Variants in CELSR1 observed in about 807,000 individuals in gnomAD.
CELSR1 encodes the protein adhesion G protein-coupled receptor C1.
CELSR1 carries 110 observed loss-of-function variants against 249.1 expected under a neutral mutation model. The ratio of observed to expected loss-of-function variants is 0.44; its 90% CI spans 0.38 to 0.52. The LOEUF (loss-of-function observed/expected upper bound fraction) is 0.52, where lower values mean the gene tolerates loss of function less well. CELSR1 is among the 20% of genes least tolerant of loss of function. CELSR1 has a pLI of 0.00. For synonymous variants in CELSR1, 2,113 were observed against 1,900.0 expected, an observed-to-expected ratio of 1.11 and a Z score of -2.92; for missense variants, 4,109 against 4,296.4, an observed-to-expected ratio of 0.96 and a Z score of 1.22.
At position 46,380,725 on chromosome 22, in the gene CELSR1, G is replaced by T. The variant is rs908891761; in HGVS notation, c.7256+63C>A. On this transcript the variant is annotated intron_variant, in intron 22 of 34. Coordinates refer to ENST00000674500, the MANE Select transcript of CELSR1 (RefSeq NM_001378328.1). The surrounding 1 kb of genome is among the most constrained non-coding windows in gnomAD (Gnocchi z 5.1). ...TGGGGCGCTCTGCCACTGAGCCCCCGACCCTGCGGGGGCACTCTGCCTTGG... is the reference window on the plus strand; with the variant it reads ...TGGGGCGCTCTGCCACTGAGCCCCCTACCCTGCGGGGGCACTCTGCCTTGG... 2.5e-6 allele frequency: 4 copies of T among 1,574,276 alleles called. No individual in the cohort carries two copies. Among genetic ancestry groups the T allele is most frequent in the South Asian group, 1.1e-5 (1 of 88,494 alleles).
Position 46,526,592 on chromosome 22 carries a change from G to A in CELSR1, c.3544+7035C>T, listed in dbSNP as rs543545228. ...ATCTCTGTCCCCAGGCTCTCCAACCGCCAGACGGCATCCATCACGGATGAC... is the reference window on the plus strand; with the variant it reads ...ATCTCTGTCCCCAGGCTCTCCAACCACCAGACGGCATCCATCACGGATGAC... On this transcript the variant is annotated intron_variant, in intron 1 of 34. Coordinates refer to ENST00000674500, the MANE Select transcript of CELSR1 (RefSeq NM_001378328.1). The surrounding 1 kb of genome is among the most constrained non-coding windows in gnomAD (Gnocchi z 4.7). 2.0e-5 allele frequency among the ~76,000 whole-genome samples: 3 copies of A among 152,274 alleles called. No homozygotes were observed. The highest frequency in any genetic ancestry group is 2.1e-4 in the South Asian group (1 of 4,820).
intron 1 of CELSR1, among the ~76,000 whole-genome samples, chr22:46,496,645 G>A (rs776375920): frequency 6.8e-6 from 1 of 146,160 alleles, no homozygotes; most frequent in Non-Finnish European, 1.5e-5. Flanking sequence ...TTTTTACTTT[G>A]TGTTAAAAAC....
Position 46,396,651 on chromosome 22 carries a change from C to G in CELSR1, c.5797G>C (p.Val1933Leu). The G allele has an allele frequency of 6.2e-7, 1 of 1,610,798 alleles. No homozygotes were observed. The highest frequency in any genetic ancestry group is 8.5e-7 in the Non-Finnish European group (1 of 1,178,448). Reference sequence around the variant, plus strand: ...TAGTGACTGGGCCCACACTCGCACACGTAGCCCTGCGGGGAGCCGGGGGAG... The same window carrying G: ...TAGTGACTGGGCCCACACTCGCACAGGTAGCCCTGCGGGGAGCCGGGGGAG... ...VRSPGSPQGY[V>L]CECGPSHYGP... The change falls in exon 13 of 35, where the codon GTG becomes CTG. Residue 1933 changes from valine to leucine, a missense_variant. Coordinates refer to ENST00000674500, the MANE Select transcript of CELSR1 (RefSeq NM_001378328.1). The surrounding 1 kb of genome is among the most constrained non-coding windows in gnomAD (Gnocchi z 6.4).
At chr22:46,524,688 T>G (rs2080721696) in intron 1 of CELSR1, among the ~76,000 whole-genome samples, 1 of 152,096 alleles carries the variant, frequency 6.6e-6, no homozygotes, top group Non-Finnish European at 1.5e-5. Context: ...TTTTCCCAGC[T>G]ATGGAATGTT....
intron 1 of CELSR1, among the ~76,000 whole-genome samples, chr22:46,474,001 C>A (rs2080181855): frequency 6.6e-6 from 1 of 152,166 alleles, no homozygotes; most frequent in South Asian, 2.1e-4. Flanking sequence ...GTGTGCGGCG[C>A]ATGTCAGGAT....
In CELSR1 at chr22:46,393,692, C is replaced by T. The variant is rs532017289; in HGVS notation, c.5964+450G>A. 1.3e-5 allele frequency among the ~76,000 whole-genome samples: 2 copies of T among 150,778 alleles called. No homozygotes were observed. The highest frequency in any genetic ancestry group is 2.1e-4 in the South Asian group (1 of 4,752). Reference sequence around the variant, plus strand: ...GGCGGAGGCTGCAGTGAGCCGAGATCGCACCACTGCACTCCAGCCTGGGCG... The same window carrying T: ...GGCGGAGGCTGCAGTGAGCCGAGATTGCACCACTGCACTCCAGCCTGGGCG... On this transcript the variant is annotated intron_variant, in intron 14 of 34. Coordinates refer to ENST00000674500, the MANE Select transcript of CELSR1 (RefSeq NM_001378328.1). This position sits in a 1 kb window ranked among gnomAD's most constrained non-coding sequence, Gnocchi z 4.1.
rs908961245 is a variant in CELSR1 at position 46,472,307 on chromosome 22, T to C, written c.3545-7962A>G. Among the ~76,000 whole-genome samples, 4 of 152,272 alleles carry C rather than the reference T, an allele frequency of 2.6e-5. No individual in the cohort carries two copies. Among genetic ancestry groups the C allele is most frequent in the African/African-American group, 7.2e-5 (3 of 41,566 alleles). On this transcript the variant is annotated intron_variant, in intron 1 of 34. Coordinates refer to ENST00000674500, the MANE Select transcript of CELSR1 (RefSeq NM_001378328.1). The surrounding 1 kb of genome is among the most constrained non-coding windows in gnomAD (Gnocchi z 7.0). ...TTTCGTGAAAGACTCTGCAGTAAGA[T>C]AAAGGTTATCTGCAATTGTGTTCCC...
At chr22:46,382,322 G>C (rs1275401305) in intron 20 of CELSR1, among the ~76,000 whole-genome samples, 1 of 152,068 alleles carries the variant, frequency 6.6e-6, no homozygotes, top group African/African-American at 2.4e-5. Flanking sequence ...CTGTCGCCCA[G>C]GCTGGAGTGC....
At position 46,455,316 on chromosome 22, in the gene CELSR1, G is replaced by A. The variant is rs188004147; in HGVS notation, c.4183+8391C>T. Among the ~76,000 whole-genome samples the A allele has an allele frequency of 6.1e-3, 934 of 152,204 alleles. 8 individuals carry two copies. The highest frequency in any genetic ancestry group is 0.022 in the African/African-American group (913 of 41,522). On this transcript the variant is annotated intron_variant, in intron 2 of 34. Transcript: ENST00000674500. ...GCCATCTCGGCTCACTGTAACCTCC[G>A]CCTCCCAGGTTCAAGCGATTCTCCT... is the stretch of plus-strand genomic sequence containing the variant.
chr22:46,394,032 G>A, intron 14 of CELSR1, 110 bp downstream of exon 14: 2 of 1,394,184 alleles, frequency 1.4e-6, no homozygotes, highest in South Asian at 1.3e-5. Context: ...TGTGTGCAGG[G>A]GTGTGAGTGT....
intron 29 of CELSR1, among the ~76,000 whole-genome samples, chr22:46,366,732 G>A (rs1216953238): frequency 6.6e-6 from 1 of 152,186 alleles, no homozygotes; most frequent in African/African-American, 2.4e-5. Context: ...ACTGCTTCTG[G>A]TCAGGATCCT....
chr22:46,381,516 T>C lies in CELSR1; in HGVS notation c.7088+330A>G, dbSNP rs11705051. 0.22 allele frequency among the ~76,000 whole-genome samples: 33,311 copies of C among 152,080 alleles called. 7,034 individuals are homozygous for C. The highest frequency in any genetic ancestry group is 0.56 in the African/African-American group (23,100 of 41,442). Reference sequence around the variant, plus strand: ...CGGGGCCAGCAGCAGGCACTACCCATGACAGCCTTGGGCCAGGTGTGTGGG... The same window carrying C: ...CGGGGCCAGCAGCAGGCACTACCCACGACAGCCTTGGGCCAGGTGTGTGGG... On this transcript the variant is annotated intron_variant, in intron 21 of 34. Coordinates refer to ENST00000674500, the MANE Select transcript of CELSR1 (RefSeq NM_001378328.1). This position sits in a 1 kb window ranked among gnomAD's most constrained non-coding sequence, Gnocchi z 6.0.
Position 46,389,479 on chromosome 22 carries a change from A to C in CELSR1, c.6366T>G (p.Asn2122Lys), listed in dbSNP as rs115467657. Residue 2122 changes from asparagine to lysine, a missense_variant, in exon 18 of 35, where the codon AAT becomes AAG. This residue lies in a region of CELSR1 where 1,805 missense variants were observed against 1,831.6 expected (regional missense o/e 0.99). Transcript: ENST00000674500. ...CCCTGGCGCCGTCCACCTGCGTCTCATTGCGGCTCAGCTTCTCATTCTGGA... is the reference window on the plus strand; with the variant it reads ...CCCTGGCGCCGTCCACCTGCGTCTCCTTGCGGCTCAGCTTCTCATTCTGGA... ...LRAMNEKLSR[N>K]ETQVDGARAL... The C allele has an allele frequency of 1.9e-6, 3 of 1,613,276 alleles. No individual in the cohort carries two copies. Among genetic ancestry groups the C allele is most frequent in the African/African-American group, 1.3e-5 (1 of 75,036 alleles).
intron 20 of CELSR1, 42 bp from the exon 21 acceptor site, chr22:46,382,092 T>A: frequency 1.4e-6 from 2 of 1,461,192 alleles, no homozygotes; most frequent in East Asian, 5.0e-5. Context: ...CAGGAGCACC[T>A]GTGTTCCCCA....
rs9615371 is a variant in CELSR1 at position 46,488,062 on chromosome 22, G to T, written c.3545-23717C>A. Reference sequence around the variant, plus strand: ...GTGCTGACAGGATCAGCTGACAGGGGCGTGAGGGAGGGGTGTCAAGTACCA... The same window carrying T: ...GTGCTGACAGGATCAGCTGACAGGGTCGTGAGGGAGGGGTGTCAAGTACCA... On this transcript the variant is annotated intron_variant, in intron 1 of 34. Coordinates refer to ENST00000674500, the MANE Select transcript of CELSR1 (RefSeq NM_001378328.1). This position sits in a 1 kb window ranked among gnomAD's most constrained non-coding sequence, Gnocchi z 4.7. Among the ~76,000 whole-genome samples the T allele has an allele frequency of 0.32, 47,156 of 148,894 alleles. 9,197 individuals carry two copies. Among genetic ancestry groups the T allele is most frequent in the East Asian group, 0.56 (2,708 of 4,870 alleles).
chr22:46,416,271 G>A (rs956593128), intron 5 of CELSR1, among the ~76,000 whole-genome samples: 14 of 152,258 alleles, frequency 9.2e-5, no homozygotes, highest in South Asian at 2.1e-4. Context: ...GGAAAGCGCC[G>A]GGCACAGGAT....
rs1048297467 is a variant in CELSR1, at chr22:46,469,734, G to A, written c.3545-5389C>T. Among the ~76,000 whole-genome samples the A allele has an allele frequency of 3.3e-5, 5 of 150,976 alleles. No homozygotes were observed. The South Asian group carries it at 6.3e-4, about 19-fold the overall frequency. On this transcript the variant is annotated intron_variant, in intron 1 of 34. Transcript: ENST00000674500. ...TCACCACGTAGGCCAGGCTGGTCTC[G>A]AACTCCTGACCTCAAGTGATCCACC...
At chr22:46,442,743 C>T (rs1042076484) in intron 2 of CELSR1, among the ~76,000 whole-genome samples, 2 of 152,162 alleles carry the variant, frequency 1.3e-5, no homozygotes, top group African/African-American at 2.4e-5. Context: ...CTGAGTTCTC[C>T]CTCTGCTTCC....
At chr22:46,421,528 T>C (rs2079472471) in intron 5 of CELSR1, among the ~76,000 whole-genome samples, 1 of 152,020 alleles carries the variant, frequency 6.6e-6, no homozygotes, top group African/African-American at 2.4e-5. Context: ...ACCAGGCCTG[T>C]GTTTGGGAAC....
Sources: allele counts gnomAD v4.1 joint callset (sites outside exome capture counted in the v4.1 genomes callset), GRCh38; gene constraint gnomAD v4.1.1; regional missense constraint gnomAD v4.1.1; non-coding constraint Gnocchi (gnomAD v3.1); transcripts MANE v1.5; gene names NCBI Gene and HGNC (gene_info 2026-07-23, HGNC 2026-07-21).